Variants in ERC2 observed in about 807,000 individuals in gnomAD.
The protein encoded by ERC2 is ERC protein 2.
A neutral mutation model predicts 114.8 loss-of-function variants in ERC2; 42 were observed. That is an observed-to-expected ratio of 0.37 (90% CI 0.29 to 0.47). The LOEUF is 0.47. Among genes scored for constraint, ERC2 ranks in the 20% least tolerant of loss-of-function variants. The pLI is 0.99. For synonymous variants in ERC2, 454 were observed against 425.5 expected (o/e 1.07, Z -0.82); for missense variants, 939 against 1,150.7 (o/e 0.82, Z 2.66).
chr3:56,201,498 A>G (rs964660769), intron 3 of ERC2, among the ~76,000 whole-genome samples: 7 of 152,192 alleles, frequency 4.6e-5, no homozygotes, highest in Non-Finnish European at 8.8e-5. Flanking sequence ...TTTCTAAGGA[A>G]CTAGGAATAG....
chr3:56,131,828 A>G (rs1442994928), intron 6 of ERC2, among the ~76,000 whole-genome samples: 1 of 152,212 alleles, frequency 6.6e-6, no homozygotes, highest in Admixed American at 6.5e-5. Flanking sequence ...TCAAACAGCT[A>G]GAGAGGATTT....
At chr3:56,358,198 G>C (rs184417354) in intron 2 of ERC2, among the ~76,000 whole-genome samples, 287 of 152,252 alleles carry the variant, frequency 1.9e-3, no homozygotes, top group African/African-American at 6.6e-3. Context: ...CATGAGAACA[G>C]AAATGACTAT....
At chr3:56,180,216 G>A (rs1176024955) in intron 3 of ERC2, among the ~76,000 whole-genome samples, 1 of 152,150 alleles carries the variant, frequency 6.6e-6, no homozygotes, top group Non-Finnish European at 1.5e-5. Context: ...ACCTCATCTA[G>A]AGCAGTTTGG....
intron 14 of ERC2, among the ~76,000 whole-genome samples, chr3:55,821,771 T>G (rs551876129): frequency 6.6e-6 from 1 of 152,358 alleles, no homozygotes; most frequent in South Asian, 2.1e-4. Flanking sequence ...TGAGAGCTTC[T>G]GTGTGTCCCA....
intron 14 of ERC2, among the ~76,000 whole-genome samples, chr3:55,809,895 C>T (rs1342798758): frequency 1.3e-5 from 2 of 152,198 alleles, no homozygotes; most frequent in African/African-American, 2.4e-5. Flanking sequence ...TAAAGAGCAT[C>T]TCAGGTAGAG....
intron 12 of ERC2, among the ~76,000 whole-genome samples, chr3:55,955,806 C>G (rs1305159699): frequency 6.6e-6 from 1 of 152,220 alleles, no homozygotes; most frequent in Non-Finnish European, 1.5e-5. Context: ...CCATGAAAGA[C>G]TATTTCTCAG....
chr3:55,631,279 G>A (rs1427224195), intron 17 of ERC2, among the ~76,000 whole-genome samples: 8 of 152,094 alleles, frequency 5.3e-5, no homozygotes, highest in South Asian at 2.1e-4. Context: ...CTTTGTTTTG[G>A]CCAAGCTCCT....
At chr3:56,162,233 C>T (rs1027811014) in intron 4 of ERC2, among the ~76,000 whole-genome samples, 2 of 152,112 alleles carry the variant, frequency 1.3e-5, no homozygotes, top group Non-Finnish European at 2.9e-5. Flanking sequence ...AAAATGAAGC[C>T]TACTTGATTG....
At chr3:56,112,213 T>G (rs1361596386) in intron 6 of ERC2, among the ~76,000 whole-genome samples, 1 of 152,202 alleles carries the variant, frequency 6.6e-6, no homozygotes, top group African/African-American at 2.4e-5. Flanking sequence ...GCTCTCTCAC[T>G]CCTTAGAAAA....
intron 17 of ERC2, among the ~76,000 whole-genome samples, chr3:55,561,282 T>A (rs1323977191): frequency 6.6e-6 from 1 of 152,158 alleles, no homozygotes; most frequent in Non-Finnish European, 1.5e-5. Context: ...CTTCCCTGGT[T>A]TTTCATTTTT....
chr3:56,462,671 T>A (rs2063366207), intron 1 of ERC2, among the ~76,000 whole-genome samples: 1 of 152,150 alleles, frequency 6.6e-6, no homozygotes, highest in Non-Finnish European at 1.5e-5. Flanking sequence ...TACTTACTGG[T>A]TGGGCAAGTC....
intron 2 of ERC2, among the ~76,000 whole-genome samples, chr3:56,329,728 A>T (rs2057518856): frequency 6.6e-6 from 1 of 152,078 alleles, no homozygotes; most frequent in South Asian, 2.1e-4. Flanking sequence ...ACACATTTTG[A>T]TTAAGTACTA....
intron 2 of ERC2, among the ~76,000 whole-genome samples, chr3:56,308,542 T>G (rs1382227213): frequency 1.3e-5 from 2 of 152,190 alleles, no homozygotes; most frequent in Non-Finnish European, 1.5e-5. Context: ...ATGATGTGCA[T>G]GGAACACACA....
intron 14 of ERC2, among the ~76,000 whole-genome samples, chr3:55,808,120 T>C (rs2059560175): frequency 6.6e-6 from 1 of 152,124 alleles, no homozygotes; most frequent in South Asian, 2.1e-4. Flanking sequence ...CCTACTGGTG[T>C]CCTCCTGGAA....
intron 2 of ERC2, among the ~76,000 whole-genome samples, chr3:56,364,286 G>A (rs35835987): frequency 0.23 from 34,969 of 151,984 alleles, 4,561 homozygotes; most frequent in Non-Finnish European, 0.29. Context: ...TCCCGTATGC[G>A]GTGATAACAA....
intron 13 of ERC2, among the ~76,000 whole-genome samples, chr3:55,888,776 G>A (rs1382353256): frequency 6.6e-6 from 1 of 152,070 alleles, no homozygotes; most frequent in Non-Finnish European, 1.5e-5. Flanking sequence ...GCTGGGAGGG[G>A]GTTGAGGGAT....
At chr3:55,938,057 C>T (rs1299283756) in intron 13 of ERC2, among the ~76,000 whole-genome samples, 1 of 152,134 alleles carries the variant, frequency 6.6e-6, no homozygotes, top group African/African-American at 2.4e-5. Flanking sequence ...AAGCCCTACG[C>T]CCACATTTCC....
intron 4 of ERC2, among the ~76,000 whole-genome samples, chr3:56,163,447 C>G (rs1341294233): frequency 1.3e-5 from 2 of 152,068 alleles, no homozygotes; most frequent in Non-Finnish European, 2.9e-5. Flanking sequence ...GATGATCTGT[C>G]TAATGCTCAC....
intron 14 of ERC2, among the ~76,000 whole-genome samples, chr3:55,835,270 G>C (rs1218858127): frequency 6.6e-6 from 1 of 152,124 alleles, no homozygotes; most frequent in East Asian, 1.9e-4. Flanking sequence ...GCATCATCCT[G>C]ATACCAAACC....
Sources: gnomAD v4.1 joint callset for allele counts (sites outside exome capture counted in the v4.1 genomes callset) on GRCh38, gnomAD v4.1.1 for gene constraint, MANE v1.5 for transcripts, NCBI Gene and HGNC (gene_info 2026-07-23, HGNC 2026-07-21) for gene names.